Variants in MALRD1 observed in about 807,000 individuals in gnomAD.
The protein encoded by MALRD1 is MAM and LDL receptor class A domain containing 1.
In MALRD1, 247 loss-of-function variants were observed where a neutral mutation model predicts 242.1. That is an observed-to-expected ratio of 1.02 (90% CI 0.92 to 1.13). The LOEUF is 1.13. MALRD1 is among the 50% of genes most tolerant of loss of function. MALRD1 has a pLI of 0.00. For synonymous variants in MALRD1, 995 were observed against 866.6 expected (o/e 1.15, Z -2.60); for missense variants, 2,989 against 2,533.1 (o/e 1.18, Z -3.86).
At chr10:19,602,444 T>C (rs1403500081) in intron 34 of MALRD1, among the ~76,000 whole-genome samples, 2 of 146,812 alleles carry the variant, frequency 1.4e-5, no homozygotes, top group Non-Finnish European at 3.0e-5. Flanking sequence ...GAACACGCGG[T>C]GTTTGTTTTT....
intron 14 of MALRD1, among the ~76,000 whole-genome samples, chr10:19,202,241 T>C (rs1836571721): frequency 6.6e-6 from 1 of 151,974 alleles, no homozygotes; most frequent in African/African-American, 2.4e-5. Context: ...AGTATTTATT[T>C]TTAGATATAT....
intron 28 of MALRD1, among the ~76,000 whole-genome samples, chr10:19,426,247 G>A (rs1404971479): frequency 2.0e-5 from 3 of 152,036 alleles, no homozygotes; most frequent in Non-Finnish European, 4.4e-5. Context: ...GTACTTAGTG[G>A]TTAAAACATG....
chr10:19,395,801 A>T (rs1348401841), intron 28 of MALRD1, among the ~76,000 whole-genome samples: 2 of 152,182 alleles, frequency 1.3e-5, no homozygotes, highest in Non-Finnish European at 2.9e-5. Context: ...TGAATATGTG[A>T]GATTTTTCTT....
chr10:19,610,541 A>T (rs1838848273), intron 35 of MALRD1, among the ~76,000 whole-genome samples: 1 of 151,736 alleles, frequency 6.6e-6, no homozygotes, highest in Non-Finnish European at 1.5e-5. Flanking sequence ...CTTCGGGTGG[A>T]CTCCTAGGTG....
intron 34 of MALRD1, chr10:19,598,377 T>A (rs1838204578): frequency 6.6e-6 from 1 of 152,010 alleles, no homozygotes; most frequent in South Asian, 2.1e-4. Context: ...GCTCTTGGTC[T>A]TGCTTTGTTC....
chr10:19,568,629 C>A (rs955369598), intron 33 of MALRD1, among the ~76,000 whole-genome samples: 4 of 152,022 alleles, frequency 2.6e-5, no homozygotes, highest in African/African-American at 9.7e-5. Flanking sequence ...CATATAATCA[C>A]CACTTTCTCA....
At chr10:19,335,568 C>T (rs1843569242) in intron 24 of MALRD1, among the ~76,000 whole-genome samples, 2 of 152,068 alleles carry the variant, frequency 1.3e-5, no homozygotes, top group African/African-American at 4.8e-5. Context: ...TTAAAAGAAT[C>T]ACCATAGAAA....
At chr10:19,169,821 G>A (rs950756171) in intron 13 of MALRD1, among the ~76,000 whole-genome samples, 2 of 152,172 alleles carry the variant, frequency 1.3e-5, no homozygotes, top group Admixed American at 1.3e-4. Flanking sequence ...AAGATTAGTA[G>A]CCTGAGTCAT....
chr10:19,592,447 G>C (rs1837840831), intron 33 of MALRD1, among the ~76,000 whole-genome samples: 1 of 152,196 alleles, frequency 6.6e-6, no homozygotes, highest in Non-Finnish European at 1.5e-5. Context: ...TGTAACTCTG[G>C]AGGGCAATTC....
chr10:19,548,859 A>G (rs1030232297), intron 32 of MALRD1, among the ~76,000 whole-genome samples: 3 of 152,204 alleles, frequency 2.0e-5, no homozygotes, highest in African/African-American at 4.8e-5. Flanking sequence ...ATCAAAAGCT[A>G]GAAATGATTA....
In MALRD1 at chr10:19,175,207, G is replaced by C. The variant is rs984503931; in HGVS notation, c.1831-1G>C. On this transcript the variant is annotated splice_acceptor_variant, in intron 13 of 39. Coordinates refer to ENST00000454679, the MANE Select transcript of MALRD1 (RefSeq NM_001142308.3). LOFTEE classifies it high-confidence loss of function. The stretch of plus-strand genomic sequence containing the variant: ...ACAGTTTTATCTTTCTGTAATTATA[G>C]TTAATTTTGGAAGCTACTGTTTTGT... The C allele has an allele frequency of 7.9e-5, 97 of 1,228,160 alleles. No homozygotes were observed. The highest frequency in any genetic ancestry group is 3.1e-4 in the Middle Eastern group (1 of 3,210). The allele number at this position is 1,228,160 out of a possible 1,614,324, so 76.1% of individuals were successfully genotyped here. A position where few individuals can be genotyped will look rare whatever the true frequency, so the allele number is the denominator to read the frequency against.
chr10:19,476,817 A>G (rs1836758423), intron 29 of MALRD1, among the ~76,000 whole-genome samples: 1 of 152,228 alleles, frequency 6.6e-6, no homozygotes, highest in Admixed American at 6.5e-5. Context: ...CACAATGAAC[A>G]TAGAAGATTC....
At chr10:19,200,515 C>G (rs77983713) in intron 14 of MALRD1, among the ~76,000 whole-genome samples, 9,785 of 152,086 alleles carry the variant, frequency 0.064, 348 homozygotes, top group Middle Eastern at 0.092. Flanking sequence ...TTTTTGTACA[C>G]TTCATGTTTA....
chr10:19,621,351 TA>T (rs56041015), intron 36 of MALRD1, among the ~76,000 whole-genome samples: 18 of 121,840 alleles, frequency 1.5e-4, no homozygotes, highest in South Asian at 5.3e-4. Flanking sequence ...TAAAAATATG[TA>T]AAAAAAAAAA....
At chr10:19,665,295 G>A (rs575902390) in intron 36 of MALRD1, among the ~76,000 whole-genome samples, 1 of 152,184 alleles carries the variant, frequency 6.6e-6, no homozygotes, top group African/African-American at 2.4e-5. Flanking sequence ...TTCTGTGGTG[G>A]AAAGTTGTGG....
intron 20 of MALRD1, 54 bp downstream of exon 20, chr10:19,280,277 G>C: frequency 7.4e-7 from 1 of 1,347,104 alleles, no homozygotes; most frequent in African/African-American, 1.5e-5. Flanking sequence ...GAAAATGCAA[G>C]TGTAATCTCT....
In MALRD1 at chr10:19,652,038, A is replaced by G. The variant is rs550676216; in HGVS notation, c.6137+36115A>G. 2.0e-5 allele frequency among the ~76,000 whole-genome samples: 3 copies of G among 152,296 alleles called. No homozygotes were observed. In the East Asian group the frequency reaches 5.8e-4, roughly 30 times the overall value. On this transcript the variant is annotated intron_variant, in intron 36 of 39. Coordinates refer to ENST00000454679, the MANE Select transcript of MALRD1 (RefSeq NM_001142308.3). ...AACCTAGGGCTAGCCTTGGGGCGATACTGTCTCAGAAGCTGACAACTGATG... is the reference window on the plus strand; with the variant it reads ...AACCTAGGGCTAGCCTTGGGGCGATGCTGTCTCAGAAGCTGACAACTGATG...
intron 18 of MALRD1, among the ~76,000 whole-genome samples, chr10:19,247,224 C>T (rs775393266): frequency 1.1e-4 from 16 of 151,978 alleles, no homozygotes; most frequent in Middle Eastern, 3.4e-3. Context: ...CACATCTTCA[C>T]AAACTGAAAA....
intron 29 of MALRD1, among the ~76,000 whole-genome samples, chr10:19,467,888 G>A (rs1167660059): frequency 6.6e-6 from 1 of 151,908 alleles, no homozygotes; most frequent in African/African-American, 2.4e-5. Flanking sequence ...CTGCCTCTTG[G>A]GTTCACGTAA....
Sources: allele counts gnomAD v4.1 joint callset (sites outside exome capture counted in the v4.1 genomes callset), GRCh38; gene constraint gnomAD v4.1.1; transcripts MANE v1.5; gene names NCBI Gene and HGNC (gene_info 2026-07-23, HGNC 2026-07-21).